Variants in PDE4D observed in about 807,000 individuals in gnomAD.
PDE4D encodes the protein 3',5'-cyclic-AMP phosphodiesterase 4D.
A neutral mutation model predicts 87.4 loss-of-function variants in PDE4D; 24 were observed. The observed-to-expected ratio is 0.27, with a 90% CI of 0.20 to 0.39. The LOEUF (loss-of-function observed/expected upper bound fraction) is 0.39. Among genes scored for constraint, PDE4D ranks in the 10% least tolerant of loss-of-function variants. The probability of loss-of-function intolerance (pLI) is 1.00; values close to 1 mark genes in which losing one functional copy is unlikely to be tolerated. For synonymous variants in PDE4D, 384 were observed against 383.2 expected (o/e 1.00, Z -0.02); for missense variants, 714 against 1,041.0 (o/e 0.69, Z 4.32).
chr5:59,072,177 C>G (rs746101844), intron 5 of PDE4D, among the ~76,000 whole-genome samples: 2 of 152,130 alleles, frequency 1.3e-5, no homozygotes, highest in Non-Finnish European at 2.9e-5. Flanking sequence ...TCCAACTGAA[C>G]AGTTTCATTC....
chr5:59,448,565 T>C (rs1798676797), intron 1 of PDE4D, among the ~76,000 whole-genome samples: 1 of 152,208 alleles, frequency 6.6e-6, no homozygotes, highest in African/African-American at 2.4e-5. Flanking sequence ...AAGTCTCAAA[T>C]GTGTTTTGTT....
chr5:59,113,973 C>T (rs1773124569), intron 5 of PDE4D, among the ~76,000 whole-genome samples: 1 of 152,152 alleles, frequency 6.6e-6, no homozygotes, highest in African/African-American at 2.4e-5. Flanking sequence ...TTCTCTCCTC[C>T]CTTTCCAAGA....
At chr5:59,058,923 A>G (rs921154833) in intron 5 of PDE4D, among the ~76,000 whole-genome samples, 1 of 152,170 alleles carries the variant, frequency 6.6e-6, no homozygotes, top group Non-Finnish European at 1.5e-5. Flanking sequence ...TAATCTAGTA[A>G]TTAAAGCTTC....
chr5:60,256,654 A>G (rs1409698751), intron 1 of PDE4D, among the ~76,000 whole-genome samples: 1 of 151,930 alleles, frequency 6.6e-6, no homozygotes, highest in African/African-American at 2.4e-5. Flanking sequence ...AGGAAATAAT[A>G]CATAGACATA....
chr5:59,887,310 G>A (rs1398014160), intron 1 of PDE4D, among the ~76,000 whole-genome samples: 9 of 152,174 alleles, frequency 5.9e-5, no homozygotes, highest in Non-Finnish European at 1.3e-4. Context: ...TAGCTGATAA[G>A]TTTTAAACAA....
chr5:60,273,744 C>T (rs1751060828), intron 1 of PDE4D, among the ~76,000 whole-genome samples: 2 of 152,072 alleles, frequency 1.3e-5, no homozygotes, highest in Admixed American at 1.3e-4. Context: ...AAAAATGCCC[C>T]CCAAGTTACT....
At chr5:59,026,442 C>A (rs1340797027) in intron 6 of PDE4D, among the ~76,000 whole-genome samples, 1 of 152,196 alleles carries the variant, frequency 6.6e-6, no homozygotes, top group Non-Finnish European at 1.5e-5. Flanking sequence ...ATCATGCATT[C>A]TTGTACTAAT....
intron 1 of PDE4D, among the ~76,000 whole-genome samples, chr5:60,207,916 TG>T (rs1405299120): frequency 1.3e-5 from 2 of 152,218 alleles, no homozygotes; most frequent in East Asian, 3.8e-4. Context: ...CAAACTTAAA[TG>T]GGGCAAGTCA....
Position 59,936,725 on chromosome 5 carries a change from T to C in PDE4D, c.272+51763A>G, listed in dbSNP as rs1272816473. 2.0e-5 allele frequency among the ~76,000 whole-genome samples: 3 copies of C among 152,230 alleles called. No individual in the cohort carries two copies. The East Asian group carries it at 5.8e-4, about 29-fold the overall frequency. ...ATATTGTTATTTTAAATAAATCATG[T>C]TTAAGGGATATGGCCCCTGCTCCTT... On this transcript the variant is annotated intron_variant, in intron 3 of 16. Coordinates refer to the PDE4D transcript ENST00000502484.
At chr5:59,695,538 T>C (rs1751648139) in intron 1 of PDE4D, among the ~76,000 whole-genome samples, 1 of 152,202 alleles carries the variant, frequency 6.6e-6, no homozygotes, top group Non-Finnish European at 1.5e-5. Flanking sequence ...TATTGGACCT[T>C]GAAGTCCTTT....
intron 1 of PDE4D, among the ~76,000 whole-genome samples, chr5:59,325,207 T>C (rs974347341): frequency 6.6e-6 from 1 of 152,182 alleles, no homozygotes; most frequent in Non-Finnish European, 1.5e-5. Flanking sequence ...GCTCTGGTTT[T>C]ACTTCAAAAG....
At chr5:59,891,785 G>A (rs972206137) in intron 1 of PDE4D, among the ~76,000 whole-genome samples, 1 of 66,430 alleles carries the variant, frequency 1.5e-5, no homozygotes, top group East Asian at 2.3e-4. Context: ...AGAGAGACAT[G>A]CTCACACACA....
At chr5:59,827,389 T>C (rs1036908532) in intron 1 of PDE4D, among the ~76,000 whole-genome samples, 2 of 152,134 alleles carry the variant, frequency 1.3e-5, no homozygotes, top group African/African-American at 4.8e-5. Context: ...GTGTTAAACA[T>C]TGTTGCATCA....
chr5:60,220,723 C>A (rs1407960128), intron 1 of PDE4D, among the ~76,000 whole-genome samples: 1 of 152,132 alleles, frequency 6.6e-6, no homozygotes, highest in African/African-American at 2.4e-5. Flanking sequence ...GCTATTCATT[C>A]TTTAAGGCTC....
chr5:60,362,785 G>A (rs1760176940), intron 1 of PDE4D, among the ~76,000 whole-genome samples: 1 of 151,844 alleles, frequency 6.6e-6, no homozygotes, highest in African/African-American at 2.4e-5. Context: ...CTTGAACCTG[G>A]GAAGTGAAAG....
chr5:58,996,632 G>A (rs1422779687), intron 6 of PDE4D, among the ~76,000 whole-genome samples: 1 of 152,126 alleles, frequency 6.6e-6, no homozygotes, highest in Non-Finnish European at 1.5e-5. Context: ...TAGAGACCCA[G>A]TTATCACAGG....
At chr5:59,752,841 T>C (rs1296339203) in intron 1 of PDE4D, among the ~76,000 whole-genome samples, 2 of 151,996 alleles carry the variant, frequency 1.3e-5, no homozygotes, top group Admixed American at 6.6e-5. Context: ...CAATAACACA[T>C]AGGGTTGCAG....
intron 1 of PDE4D, among the ~76,000 whole-genome samples, chr5:60,434,064 G>A (rs1744573946): frequency 1.3e-5 from 2 of 151,796 alleles, no homozygotes; most frequent in East Asian, 1.9e-4. Flanking sequence ...ATGTGCCCCT[G>A]AAACTAATAT....
At chr5:60,321,835 A>C (rs1756298935) in intron 1 of PDE4D, among the ~76,000 whole-genome samples, 1 of 152,320 alleles carries the variant, frequency 6.6e-6, no homozygotes, top group Middle Eastern at 3.4e-3. Context: ...TCAAAACCAC[A>C]ATAAGATACT....
Sources: allele counts gnomAD v4.1 joint callset (sites outside exome capture counted in the v4.1 genomes callset), GRCh38; gene constraint gnomAD v4.1.1; transcripts MANE v1.5; gene names NCBI Gene and HGNC (gene_info 2026-07-23, HGNC 2026-07-21).